Variants in KAT6A observed in about 807,000 individuals in gnomAD.
The protein encoded by KAT6A is lysine acetyltransferase 6A, also known as histone acetyltransferase KAT6A.
Under a neutral mutation model 198.4 loss-of-function variants are expected in KAT6A, and 9 were observed. The observed-to-expected ratio is 0.05, with a 90% CI of 0.03 to 0.08. The LOEUF (loss-of-function observed/expected upper bound fraction) is 0.08, where lower values mean the gene tolerates loss of function less well. Ranked by LOEUF, KAT6A falls within the 10% of genes least tolerant of loss-of-function variation. The pLI, the probability that KAT6A is intolerant of heterozygous loss-of-function variation, is 1.00. For synonymous variants in KAT6A, 890 were observed against 883.0 expected (o/e 1.01, Z -0.14); for missense variants, 2,077 against 2,509.9 (o/e 0.83, Z 3.69).
At chr8:42,027,381 T>C (rs1184984899) in intron 2 of KAT6A, among the ~76,000 whole-genome samples, 4 of 152,192 alleles carry the variant, frequency 2.6e-5, no homozygotes, top group Non-Finnish European at 5.9e-5. Context: ...CTTCTTAAGT[T>C]TGGTAAAATT....
At chr8:41,971,582 T>C (rs1000218181) in intron 8 of KAT6A, among the ~76,000 whole-genome samples, 5 of 149,264 alleles carry the variant, frequency 3.3e-5, no homozygotes, top group Admixed American at 2.0e-4. Context: ...CAAAATCATA[T>C]ACAGCCTTGG....
chr8:41,956,465 T>C (rs576778700), intron 8 of KAT6A, among the ~76,000 whole-genome samples: 3 of 152,222 alleles, frequency 2.0e-5, no homozygotes, highest in Non-Finnish European at 4.4e-5. Context: ...AAATCCCTTG[T>C]TGGAGCATGC....
rs1205878373 is a variant in KAT6A at position 42,051,695 on chromosome 8, A to G, written c.-326+206T>C. 1.4e-4 allele frequency among the ~76,000 whole-genome samples: 20 copies of G among 144,058 alleles called. 1 individual carries two copies. The highest frequency in any genetic ancestry group is 4.2e-4 in the South Asian group (2 of 4,772). 94.5% of individuals were successfully genotyped at this position (144,058 alleles called of 152,430 possible). A position where few individuals can be genotyped will look rare whatever the true frequency, so the allele number is the denominator to read the frequency against. Reference sequence around the variant, plus strand: ...GCAGCCGGGCGCCGAACAAGCGAGCAAGCGAGCGAGCGAGCGGGCGGGCGC... The same window carrying G: ...GCAGCCGGGCGCCGAACAAGCGAGCGAGCGAGCGAGCGAGCGGGCGGGCGC... On this transcript the variant is annotated intron_variant, in intron 1 of 16. Transcript: ENST00000265713.
intron 2 of KAT6A, among the ~76,000 whole-genome samples, chr8:42,011,236 T>C (rs752587412): frequency 3.9e-5 from 6 of 152,222 alleles, no homozygotes; most frequent in East Asian, 1.9e-4. Flanking sequence ...CTAATATACC[T>C]AGTTTTAGAA....
chr8:41,983,102 T>G (rs928356620), intron 3 of KAT6A, among the ~76,000 whole-genome samples: 7 of 152,038 alleles, frequency 4.6e-5, no homozygotes, highest in African/African-American at 9.7e-5. Flanking sequence ...GAGAAAAAAA[T>G]GCTTCCTCTT....
intron 3 of KAT6A, among the ~76,000 whole-genome samples, chr8:41,983,675 T>TA (rs1824468116): frequency 6.6e-6 from 1 of 152,252 alleles, no homozygotes; most frequent in African/African-American, 2.4e-5. Context: ...TCAAATGTAT[T>TA]AAACATTTTT....
intron 8 of KAT6A, among the ~76,000 whole-genome samples, chr8:41,970,816 C>T (rs890636553): frequency 3.3e-5 from 5 of 152,170 alleles, no homozygotes; most frequent in Admixed American, 3.3e-4. Flanking sequence ...AGACTTGGAA[C>T]CAACCCAAAT....
intron 8 of KAT6A, among the ~76,000 whole-genome samples, chr8:41,965,470 G>GC (rs1823425038): frequency 6.6e-6 from 1 of 152,122 alleles, no homozygotes; most frequent in Non-Finnish European, 1.5e-5. Flanking sequence ...ATGACTTTCT[G>GC]CATTACCTTT....
At chr8:41,954,895 TTAAG>T (rs927257310) in intron 9 of KAT6A, among the ~76,000 whole-genome samples, 2 of 152,230 alleles carry the variant, frequency 1.3e-5, no homozygotes, top group African/African-American at 2.4e-5. Flanking sequence ...AAACCATTTA[TTAAG>T]TTTGTCAAAT....
At chr8:42,045,212 T>C (rs184070166) in intron 2 of KAT6A, among the ~76,000 whole-genome samples, 89 of 152,342 alleles carry the variant, frequency 5.8e-4, no homozygotes, top group Middle Eastern at 6.8e-3. Context: ...TTAGTACATA[T>C]ACAAGTCTAC....
At chr8:42,007,741 T>C (rs1389299742) in intron 2 of KAT6A, among the ~76,000 whole-genome samples, 1 of 151,966 alleles carries the variant, frequency 6.6e-6, no homozygotes, top group East Asian at 1.9e-4. Flanking sequence ...AGCGGGTGGA[T>C]CACGAGGTCA....
chr8:41,946,371 G>A (rs1822386948), intron 12 of KAT6A, among the ~76,000 whole-genome samples: 1 of 152,038 alleles, frequency 6.6e-6, no homozygotes, highest in Non-Finnish European at 1.5e-5. Flanking sequence ...CCAAAGTGCT[G>A]GGATTAGAGG....
Position 41,932,992 on chromosome 8 carries a change from C to A in KAT6A, c.5228G>T (p.Ser1743Ile), listed in dbSNP as rs1239809357. ...GAAGGTGGCTGATGGTTGAGAGTAG[C>A]TGCCGGCACCAAAATCCCCTGGAAT... is the stretch of plus-strand genomic sequence containing the variant. ...ERIPGDFGAG[S>I]YSQPSATFSL... is the part of the protein sequence containing the mutation. Residue 1743 changes from serine (S) to isoleucine (I), a missense_variant, in exon 17 of 17, where the codon AGC becomes ATC. Physicochemically the swap from Ser to Ile is moderately radical, Grantham distance 142. Transcript: ENST00000265713. The A allele has an allele frequency of 2.3e-5, 37 of 1,614,152 alleles. No homozygotes were observed. Among genetic ancestry groups the A allele is most frequent in the Non-Finnish European group, 3.1e-5 (36 of 1,179,996 alleles).
At chr8:42,007,333 T>C (rs1024251032) in intron 2 of KAT6A, among the ~76,000 whole-genome samples, 1 of 152,236 alleles carries the variant, frequency 6.6e-6, no homozygotes, top group Non-Finnish European at 1.5e-5. Context: ...TGACTTAACC[T>C]GCCTGGGTTC....
intron 15 of KAT6A, 89 bp downstream of exon 15, chr8:41,940,751 CTT>C: frequency 6.8e-7 from 1 of 1,470,414 alleles, no homozygotes; most frequent in Middle Eastern, 1.8e-4. Flanking sequence ...GAATTTCTAA[CTT>C]ATACTCTTTC....
intron 6 of KAT6A, 40 bp from the exon 7 acceptor site, chr8:41,977,367 G>T: frequency 6.8e-7 from 1 of 1,464,256 alleles, no homozygotes; most frequent in East Asian, 2.3e-5. Context: ...TATTAAAAAA[G>T]ATACTTGTAA....
intron 2 of KAT6A, among the ~76,000 whole-genome samples, chr8:42,041,547 G>T (rs942231192): frequency 5.3e-5 from 8 of 152,088 alleles, no homozygotes; most frequent in Non-Finnish European, 1.2e-4. Flanking sequence ...GAACACAACT[G>T]GCCAACATGG....
At chr8:42,041,178 G>A (rs1827647867) in intron 2 of KAT6A, among the ~76,000 whole-genome samples, 1 of 122,308 alleles carries the variant, frequency 8.2e-6, no homozygotes, top group Non-Finnish European at 1.6e-5. Flanking sequence ...CTGGGCAAGA[G>A]TGAGATTCCG....
rs1031011751 is a variant in KAT6A at position 42,017,273 on chromosome 8, A to G, written c.601-29710T>C. On this transcript the variant is annotated intron_variant, in intron 2 of 16. Transcript: ENST00000265713. ...GGCTATTCATTCATTTGTTCAATTA[A>G]TATTTCAAACCACTATGAGCCAGGC... Among the ~76,000 whole-genome samples the G allele has an allele frequency of 1.3e-4, 20 of 152,356 alleles. No individual in the cohort carries two copies. The Middle Eastern group carries it at 0.01, about 78-fold the overall frequency.
Sources: allele counts gnomAD v4.1 joint callset (sites outside exome capture counted in the v4.1 genomes callset), GRCh38; gene constraint gnomAD v4.1.1; transcripts MANE v1.5; gene names NCBI Gene and HGNC (gene_info 2026-07-23, HGNC 2026-07-21).